Variants in UST observed in about 807,000 individuals in gnomAD.
UST encodes chondroitin sulfate 2-O-sulfotransferase.
UST carries 21 observed loss-of-function variants against 45.6 expected under a neutral mutation model. The observed-to-expected ratio is 0.46, with a 90% CI of 0.33 to 0.66. The LOEUF (loss-of-function observed/expected upper bound fraction) is 0.66, where lower values mean the gene tolerates loss of function less well. UST is among the 30% of genes least tolerant of loss of function. The probability of loss-of-function intolerance (pLI) is 0.02; values close to 1 mark genes in which losing one functional copy is unlikely to be tolerated. For missense variants in UST, 463 were observed against 512.4 expected (o/e 0.90, Z 0.93); for synonymous variants, 215 against 200.6 (o/e 1.07, Z -0.61).
chr6:148,837,585 A>G (rs1777809787), intron 1 of UST, among the ~76,000 whole-genome samples: 1 of 152,216 alleles, frequency 6.6e-6, no homozygotes, highest in Non-Finnish European at 1.5e-5. Flanking sequence ...GTGGAAAAAT[A>G]TGAGGATATG....
intron 1 of UST, among the ~76,000 whole-genome samples, chr6:148,878,986 A>G (rs558950362): frequency 6.6e-6 from 1 of 152,208 alleles, no homozygotes; most frequent in East Asian, 1.9e-4. Context: ...CCATAAAACA[A>G]GAGGTTCAAC....
chr6:148,961,893 G>A (rs558871821), intron 4 of UST, among the ~76,000 whole-genome samples: 1 of 152,316 alleles, frequency 6.6e-6, no homozygotes, highest in South Asian at 2.1e-4. Flanking sequence ...ATGAGGGTAG[G>A]GAAATTGCTT....
intron 1 of UST, among the ~76,000 whole-genome samples, chr6:148,844,162 T>G (rs1717825154): frequency 1.3e-5 from 2 of 152,224 alleles, no homozygotes; most frequent in African/African-American, 4.8e-5. Context: ...TCCATGTCAC[T>G]TTTTTAAAAG....
intron 7 of UST, among the ~76,000 whole-genome samples, chr6:149,058,182 C>T (rs1427851494): frequency 6.6e-6 from 1 of 152,024 alleles, no homozygotes; most frequent in East Asian, 1.9e-4. Context: ...AAGTAATAGA[C>T]CAACATGAAA....
At chr6:148,866,338 C>A (rs767421891) in intron 1 of UST, among the ~76,000 whole-genome samples, 2 of 152,032 alleles carry the variant, frequency 1.3e-5, no homozygotes, top group Non-Finnish European at 2.9e-5. Flanking sequence ...AACCAGTAGT[C>A]GGGGGTAGAT....
At position 148,856,634 on chromosome 6, in the gene UST, T is replaced by A. The variant is rs538970432; in HGVS notation, c.248-30352T>A. ...TTGCGGGGCGGGCTTTCCCACATAA[T>A]CTCTTGTGGGATGTCAGAGATGATC... On this transcript the variant is annotated intron_variant, in intron 1 of 7. Transcript: ENST00000367463. Among the ~76,000 whole-genome samples, 4 of 152,298 alleles carry A rather than the reference T, an allele frequency of 2.6e-5. No individual in the cohort carries two copies. The East Asian group carries it at 5.8e-4, about 22-fold the overall frequency.
chr6:148,993,064 G>A, intron 5 of UST: 6 of 985,432 alleles, frequency 6.1e-6, no homozygotes, highest in Non-Finnish European at 7.2e-6. Flanking sequence ...AGCACCAAAG[G>A]AGGTGACATT....
chr6:148,779,953 T>G (rs983084713), intron 1 of UST, among the ~76,000 whole-genome samples: 1 of 152,136 alleles, frequency 6.6e-6, no homozygotes, highest in Non-Finnish European at 1.5e-5. Context: ...TTTGTGATAT[T>G]TATTTTGGCT....
intron 5 of UST, among the ~76,000 whole-genome samples, chr6:148,978,722 T>C (rs1013351663): frequency 6.6e-6 from 1 of 152,096 alleles, no homozygotes; most frequent in Non-Finnish European, 1.5e-5. Context: ...ACCTAATACA[T>C]GCGGGGCTTA....
chr6:148,887,145 A>G, intron 2 of UST, 116 bp downstream of exon 2: 1 of 795,784 alleles, frequency 1.3e-6, no homozygotes, highest in Non-Finnish European at 2.1e-6. Context: ...AGTAGATGAC[A>G]TATGTGAAAT....
chr6:149,011,813 A>G (rs980664508), intron 5 of UST, among the ~76,000 whole-genome samples: 2 of 152,086 alleles, frequency 1.3e-5, no homozygotes, highest in Non-Finnish European at 2.9e-5. Flanking sequence ...CTTCATCTCA[A>G]AAAACAAACA....
chr6:148,937,350 C>G (rs999609562), intron 2 of UST, among the ~76,000 whole-genome samples: 1 of 152,110 alleles, frequency 6.6e-6, no homozygotes, highest in African/African-American at 2.4e-5. Flanking sequence ...AAGTTATTAT[C>G]GTAGACCCAG....
intron 7 of UST, among the ~76,000 whole-genome samples, chr6:149,041,538 G>T (rs1290878710): frequency 6.6e-6 from 1 of 152,204 alleles, no homozygotes; most frequent in Non-Finnish European, 1.5e-5. Context: ...CTCCAGGGTA[G>T]CCCCTGCACA....
At chr6:148,927,066 T>C (rs1157361438) in intron 2 of UST, among the ~76,000 whole-genome samples, 1 of 152,182 alleles carries the variant, frequency 6.6e-6, no homozygotes, top group Non-Finnish European at 1.5e-5. Flanking sequence ...ACATTACTGC[T>C]GGAGCATGGT....
intron 2 of UST, among the ~76,000 whole-genome samples, chr6:148,920,128 G>A (rs1238673909): frequency 6.6e-6 from 1 of 152,218 alleles, no homozygotes; most frequent in African/African-American, 2.4e-5. Flanking sequence ...GGTCTGATCA[G>A]TTGGTAGCCT....
chr6:148,811,604 C>T (rs373948340), intron 1 of UST, among the ~76,000 whole-genome samples: 1 of 152,156 alleles, frequency 6.6e-6, no homozygotes, highest in Admixed American at 6.5e-5. Context: ...TTGGGAAGGG[C>T]TCAGCTTGGC....
intron 1 of UST, among the ~76,000 whole-genome samples, chr6:148,846,313 T>C (rs1777988558): frequency 6.6e-6 from 1 of 151,930 alleles, no homozygotes; most frequent in South Asian, 2.1e-4. Context: ...TGGATGAAAT[T>C]GGAAATCATC....
chr6:148,941,266 GT>G lies in UST; in HGVS notation c.292-6del. 1 of 1,612,676 alleles carries G rather than the reference GT, an allele frequency of 6.2e-7. No individual in the cohort carries two copies. Among genetic ancestry groups the G allele is most frequent in the East Asian group, 2.2e-5 (1 of 44,846 alleles). ...CAGACGTTTCATGTTTGTTCTCTTG[GT>G]TTTTTTCCCAGGTACTACCTTTCCC... is the stretch of plus-strand genomic sequence containing the variant. On this transcript the variant is annotated splice_polypyrimidine_tract_variant and intron_variant, in intron 2 of 7. Coordinates refer to ENST00000367463, the MANE Select transcript of UST (RefSeq NM_005715.3).
intron 7 of UST, among the ~76,000 whole-genome samples, chr6:149,051,912 C>CT (rs1483774322): frequency 6.6e-6 from 1 of 152,100 alleles, no homozygotes; most frequent in Non-Finnish European, 1.5e-5. Flanking sequence ...AAATGGAACT[C>CT]TATTAGGGAG....
Sources: allele counts gnomAD v4.1 joint callset (sites outside exome capture counted in the v4.1 genomes callset), GRCh38; gene constraint gnomAD v4.1.1; transcripts MANE v1.5; gene names NCBI Gene and HGNC (gene_info 2026-07-23, HGNC 2026-07-21).